The following STARD9 variants were observed in gnomAD, a reference collection of about 807,000 sequenced individuals.
The protein encoded by STARD9 is stAR-related lipid transfer protein 9.
STARD9 carries 346 observed loss-of-function variants against 399.8 expected under a neutral mutation model. The ratio of observed to expected loss-of-function variants is 0.87; its 90% CI spans 0.79 to 0.95. The LOEUF is 0.95. Among genes scored for constraint, STARD9 ranks in the 40% least tolerant of loss-of-function variants. The pLI, the probability that STARD9 is intolerant of heterozygous loss-of-function variation, is 0.00. For missense variants in STARD9, 5,832 were observed against 5,667.5 expected (o/e 1.03, Z -0.93); for synonymous variants, 2,203 against 2,143.5 (o/e 1.03, Z -0.77).
At chr15:42,717,840 C>G (rs1174940984) in intron 29 of STARD9, 45 bp downstream of exon 29, 1 of 1,523,434 alleles carries the variant, frequency 6.6e-7, no homozygotes, top group Non-Finnish European at 8.8e-7. Flanking sequence ...TCTTGGTAAG[C>G]TTGTCACCCT....
intron 1 of STARD9, among the ~76,000 whole-genome samples, chr15:42,580,939 A>T (rs1169601743): frequency 6.6e-6 from 1 of 152,208 alleles, no homozygotes; most frequent in Non-Finnish European, 1.5e-5. Flanking sequence ...GGAGACAGGG[A>T]GAAGAAATGG....
Position 42,692,314 on chromosome 15 carries a change from C to T in STARD9, c.10736C>T (p.Ala3579Val), listed in dbSNP as rs2060728358. 6.5e-7 allele frequency: 1 copy of T among 1,536,988 alleles called. No individual in the cohort carries two copies. The highest frequency in any genetic ancestry group is 1.4e-5 in the African/African-American group (1 of 73,140). ...PHIPTSPEGV[A>V]PTSGHDRRPQ... ...ATCCCGACGAGCCCTGAAGGAGTAG[C>T]CCCCACTTCGGGTCATGACAGAAGG... The change falls in exon 23 of 33, where the codon GCC (alanine) becomes GTC (valine). Residue 3579 changes from alanine (A) to valine (V), a missense_variant. Ala to Val is a moderately conservative substitution (Grantham distance 64, BLOSUM62 0). This residue lies in a region of STARD9 where 5,828 missense variants were observed against 5,651.1 expected (regional missense o/e 1.03). Transcript: ENST00000290607.
intron 3 of STARD9, among the ~76,000 whole-genome samples, chr15:42,620,726 C>CATTTTATTTTATTTT (rs1289189860): frequency 0.01 from 1,350 of 130,248 alleles, 27 homozygotes; most frequent in African/African-American, 0.033. Flanking sequence ...GTAGAATGTC[C>CATTTTATTTTATTTT]CTTTTATTTT....
chr15:42,594,931 T>A (rs2058474032), intron 3 of STARD9, among the ~76,000 whole-genome samples: 1 of 152,212 alleles, frequency 6.6e-6, no homozygotes, highest in South Asian at 2.1e-4. Flanking sequence ...TGTGATTAGA[T>A]ACTGCTGCCA....
chr15:42,684,910 C>T lies in STARD9; in HGVS notation c.3332C>T (p.Ser1111Phe). Residue 1111 changes from serine (S) to phenylalanine (F), a missense_variant, in exon 23 of 33, where the codon TCT (serine) becomes TTT (phenylalanine). Physicochemically the swap from Ser to Phe is radical, Grantham distance 155. Coordinates refer to ENST00000290607, the MANE Select transcript of STARD9 (RefSeq NM_020759.3). The stretch of plus-strand genomic sequence containing the variant: ...ACAGATAGCAACTACTCATTGGATT[C>T]TCTCTCATGTGTCTATGCCAAAGCC... ...SDTDSNYSLDSLSCVYAKALI... is the reference protein window; with the variant it reads ...SDTDSNYSLDFLSCVYAKALI... The T allele has an allele frequency of 6.5e-7, 1 of 1,537,064 alleles. No individual in the cohort carries two copies. The highest frequency in any genetic ancestry group is 8.7e-7 in the Non-Finnish European group (1 of 1,146,916).
intron 6 of STARD9, among the ~76,000 whole-genome samples, 171 bp from the exon 7 acceptor site, chr15:42,638,524 AAACTC>A: frequency 6.6e-6 from 1 of 152,116 alleles, no homozygotes; most frequent in Admixed American, 6.6e-5. Context: ...AAAATACAAA[AAACTC>A]TATTGTATAT....
Position 42,685,622 on chromosome 15 carries a change from C to T in STARD9, c.4044C>T (p.Ser1348=). 1.3e-6 allele frequency: 2 copies of T among 1,537,328 alleles called. No homozygotes were observed. Among genetic ancestry groups the T allele is most frequent in the African/African-American group, 1.4e-5 (1 of 73,176 alleles). The change falls in exon 23 of 33, where the codon AGC becomes AGT. Residue 1348 remains serine, a synonymous_variant. Coordinates refer to ENST00000290607, the MANE Select transcript of STARD9 (RefSeq NM_020759.3). ...CCTGTGACTCTAAGATCAACCCCAG[C>T]AGCCCCCCAGGAATAGTGGGTTCTT... is the stretch of plus-strand genomic sequence containing the variant. ...WFSCDSKINP[S]SPPGIVGSLC...
At chr15:42,613,304 G>T (rs1253199099) in intron 3 of STARD9, among the ~76,000 whole-genome samples, 1 of 151,914 alleles carries the variant, frequency 6.6e-6, no homozygotes, top group East Asian at 1.9e-4. Context: ...TTCCATTTTT[G>T]CATTTTTACC....
chr15:42,709,515 T>C (rs2140376331), intron 26 of STARD9, among the ~76,000 whole-genome samples: 1 of 152,148 alleles, frequency 6.6e-6, no homozygotes, highest in East Asian at 1.9e-4. Context: ...TGAAACCCCG[T>C]CTCCACTAAA....
chr15:42,628,780 G>C (rs2059274762), intron 3 of STARD9, among the ~76,000 whole-genome samples: 1 of 152,006 alleles, frequency 6.6e-6, no homozygotes, highest in African/African-American at 2.4e-5. Flanking sequence ...TTGTTCTATT[G>C]GTCTGCGTGT....
intron 7 of STARD9, among the ~76,000 whole-genome samples, chr15:42,640,818 C>CAAAAAAAAAA (rs34006967): frequency 1.2e-5 from 1 of 83,618 alleles, no homozygotes; most frequent in Non-Finnish European, 2.1e-5. Flanking sequence ...GACTCCGTCT[C>CAAAAAAAAAA]AAAAAAAAAA....
At chr15:42,617,725 A>G (rs2058998926) in intron 3 of STARD9, among the ~76,000 whole-genome samples, 1 of 151,764 alleles carries the variant, frequency 6.6e-6, no homozygotes, top group Admixed American at 6.6e-5. Context: ...TGTTGTTTTC[A>G]TTCCTTCGTT....
Position 42,691,147 on chromosome 15 carries a change from A to G in STARD9, c.9569A>G (p.Gln3190Arg). ...AGGGATCACAATCGCTTGGATTCCC[A>G]AGCCAAGTTTGTAGCAAGGTTAAAA... ...ELRDHNRLDS[Q>R]AKFVARLKHT... The change falls in exon 23 of 33, where the codon CAA becomes CGA. Residue 3190 changes from glutamine (Q) to arginine (R), a missense_variant. Transcript: ENST00000290607. The G allele has an allele frequency of 1.3e-6, 2 of 1,537,278 alleles. No individual in the cohort carries two copies. The highest frequency in any genetic ancestry group is 8.7e-7 in the Non-Finnish European group (1 of 1,146,908).
chr15:42,638,178 T>A lies in STARD9; in HGVS notation c.446+91T>A. On this transcript the variant is annotated intron_variant, in intron 6 of 32. Transcript: ENST00000290607. ...AGCTGTCCTCTCTTTGCTTCCAGAG[T>A]CACCACAGGGATGGAGAAAAGCCAC... 3 of 1,151,428 alleles carry A rather than the reference T, an allele frequency of 2.6e-6. No individual in the cohort carries two copies. The South Asian group carries it at 4.0e-5, about 15-fold the overall frequency. 71.3% of individuals were successfully genotyped at this position (1,151,428 alleles called of 1,614,324 possible).
At position 42,626,384 on chromosome 15, in the gene STARD9, C is replaced by CTCTTCCTCT. The variant is rs1282992847; in HGVS notation, c.235-8469_235-8461dup. On this transcript the variant is annotated intron_variant, in intron 3 of 32. Coordinates refer to ENST00000290607, the MANE Select transcript of STARD9 (RefSeq NM_020759.3). ...CTTCCTCTTCTTCCTCCTCTTCCTC[C>CTCTTCCTCT]TCTTCCTCTTCCTCCTCCTCTTCTT... 3.6e-3 allele frequency among the ~76,000 whole-genome samples: 398 copies of CTCTTCCTCT among 111,228 alleles called. 3 individuals carry two copies. Among genetic ancestry groups the CTCTTCCTCT allele is most frequent in the African/African-American group, 0.017 (388 of 23,070 alleles). 73.0% of individuals were successfully genotyped at this position (111,228 alleles called of 152,430 possible). A position where few individuals can be genotyped will look rare whatever the true frequency, so the allele number is the denominator to read the frequency against.
chr15:42,596,546 G>T (rs557162342), intron 3 of STARD9, among the ~76,000 whole-genome samples: 12 of 152,276 alleles, frequency 7.9e-5, no homozygotes, highest in African/African-American at 2.9e-4. Flanking sequence ...GCATGCACAG[G>T]CAGACTGCTA....
rs984588154 is a variant in STARD9, at chr15:42,678,567, G to A, written c.1874+2592G>A. On this transcript the variant is annotated intron_variant, in intron 20 of 32. Coordinates refer to ENST00000290607, the MANE Select transcript of STARD9 (RefSeq NM_020759.3). ...CCTGGGAGACACTGTTGCTGCTTCC[G>A]CTGCCACCACCGCTGCCACTGCGGC... 5.9e-5 allele frequency among the ~76,000 whole-genome samples: 9 copies of A among 152,152 alleles called. No homozygotes were observed. The East Asian group carries it at 1.2e-3, about 20-fold the overall frequency.
chr15:42,682,420 G>A lies in STARD9; in HGVS notation c.2382G>A (p.Leu794=). ...AGAGACTGGAGAAGCTCACGACATT[G>A]TGCTGGCTCCAGGATGACAGCACCC... ...AQKRLEKLTT[L]CWLQDDSTQE... is the part of the protein sequence containing the mutation. The change falls in exon 22 of 33, where the codon TTG becomes TTA. Residue 794 remains leucine, a synonymous_variant. Coordinates refer to ENST00000290607, the MANE Select transcript of STARD9 (RefSeq NM_020759.3). The A allele has an allele frequency of 6.5e-7, 1 of 1,537,246 alleles. No homozygotes were observed.
At chr15:42,629,878 A>G (rs546865775) in intron 3 of STARD9, 4 of 151,676 alleles carry the variant, frequency 2.6e-5, no homozygotes, top group Admixed American at 6.6e-5. Flanking sequence ...TTAAATGATC[A>G]TATGGTTTTT....
Sources: allele counts gnomAD v4.1 joint callset (sites outside exome capture counted in the v4.1 genomes callset), GRCh38; gene constraint gnomAD v4.1.1; regional missense constraint gnomAD v4.1.1; transcripts MANE v1.5; gene names NCBI Gene and HGNC (gene_info 2026-07-23, HGNC 2026-07-21).